Variants in LRP1B observed in about 807,000 individuals in gnomAD.
LRP1B encodes the protein low-density lipoprotein receptor-related protein 1B.
In LRP1B, 217 loss-of-function variants were observed where a neutral mutation model predicts 556.6. The observed-to-expected ratio is 0.39, with a 90% confidence interval of 0.35 to 0.44. The LOEUF (loss-of-function observed/expected upper bound fraction) is 0.44, where lower values mean the gene tolerates loss of function less well. LRP1B is among the 20% of genes least tolerant of loss of function. The pLI is 1.00. For missense variants in LRP1B, 5,053 were observed against 5,620.8 expected, an observed-to-expected ratio of 0.90 and a Z score of 3.23; for synonymous variants, 2,047 against 1,865.8, an observed-to-expected ratio of 1.10 and a Z score of -2.50.
intron 7 of LRP1B, among the ~76,000 whole-genome samples, chr2:141,071,828 C>T (rs769597564): frequency 3.3e-5 from 5 of 152,100 alleles, no homozygotes; most frequent in Non-Finnish European, 7.3e-5. Flanking sequence ...AGGAGAACTA[C>T]AAACCACTGC....
intron 87 of LRP1B, among the ~76,000 whole-genome samples, chr2:140,245,061 G>T (rs975037275): frequency 6.0e-5 from 9 of 151,254 alleles, no homozygotes; most frequent in Non-Finnish European, 1.0e-4. Context: ...TCATTATTTG[G>T]TCAACTTTGA....
intron 2 of LRP1B, among the ~76,000 whole-genome samples, chr2:141,576,622 T>C (rs1415922787): frequency 1.3e-5 from 2 of 152,014 alleles, no homozygotes; most frequent in African/African-American, 4.8e-5. Context: ...GGTTTAGTTG[T>C]ACATGCCTAT....
chr2:140,786,673 G>T, intron 32 of LRP1B, among the ~76,000 whole-genome samples: 1 of 152,090 alleles, frequency 6.6e-6, no homozygotes, highest in East Asian at 1.9e-4. Context: ...GAAGAACAAA[G>T]CCCAGAATTT....
intron 18 of LRP1B, among the ~76,000 whole-genome samples, chr2:140,977,579 G>A (rs2105337456): frequency 7.7e-6 from 1 of 130,624 alleles, no homozygotes; most frequent in Admixed American, 8.8e-5. Context: ...TCTTATTAGG[G>A]TGGTGCAACA....
chr2:140,877,325 C>T (rs906792611), intron 25 of LRP1B, among the ~76,000 whole-genome samples: 1 of 152,088 alleles, frequency 6.6e-6, no homozygotes, highest in African/African-American at 2.4e-5. Context: ...TTTCTTGTCA[C>T]AGGACATGAG....
At chr2:141,828,244 T>G (rs1697000866) in intron 1 of LRP1B, among the ~76,000 whole-genome samples, 2 of 152,072 alleles carry the variant, frequency 1.3e-5, no homozygotes, top group South Asian at 4.1e-4. Context: ...TCAATACACA[T>G]TTTTTTATTA....
rs192711261 is a variant in LRP1B at position 140,328,084 on chromosome 2, A to G, written c.12224-2206T>C. Among the ~76,000 whole-genome samples the G allele has an allele frequency of 2.6e-5, 4 of 152,182 alleles. No individual in the cohort carries two copies. The East Asian group carries it at 5.8e-4, about 22-fold the overall frequency. Reference sequence around the variant, plus strand: ...AAAAGTTCATGTCTATCTTTAAAATATCATGTCTTCTTTTGCTCTGTAATA... The same window carrying G: ...AAAAGTTCATGTCTATCTTTAAAATGTCATGTCTTCTTTTGCTCTGTAATA... On this transcript the variant is annotated intron_variant, in intron 79 of 90. Coordinates refer to ENST00000389484, the MANE Select transcript of LRP1B (RefSeq NM_018557.3).
chr2:140,954,160 A>G, intron 18 of LRP1B, among the ~76,000 whole-genome samples: 1 of 152,300 alleles, frequency 6.6e-6, no homozygotes, highest in South Asian at 2.1e-4. Context: ...GTTGCCTAAC[A>G]AGATAGTGAG....
At chr2:141,603,326 A>G (rs779706238) in intron 2 of LRP1B, among the ~76,000 whole-genome samples, 9 of 152,156 alleles carry the variant, frequency 5.9e-5, no homozygotes, top group Non-Finnish European at 1.2e-4. Flanking sequence ...GCTCAGTTGA[A>G]TATGTATGTG....
At chr2:140,399,497 T>A (rs1307065745) in intron 66 of LRP1B, among the ~76,000 whole-genome samples, 3 of 152,150 alleles carry the variant, frequency 2.0e-5, no homozygotes, top group African/African-American at 7.2e-5. Context: ...CCCAAATATA[T>A]TAGAGAGGCC....
At chr2:140,758,941 T>C (rs1019080984) in intron 35 of LRP1B, among the ~76,000 whole-genome samples, 26 of 152,122 alleles carry the variant, frequency 1.7e-4, no homozygotes, top group African/African-American at 6.0e-4. Flanking sequence ...TAACTTTTTA[T>C]ATATGTTTAG....
chr2:141,537,738 T>C (rs1416325758), intron 2 of LRP1B, among the ~76,000 whole-genome samples: 2 of 152,162 alleles, frequency 1.3e-5, no homozygotes, highest in African/African-American at 4.8e-5. Flanking sequence ...TAATTTACTG[T>C]TGCTATGAAA....
chr2:142,045,457 A>C (rs796841837), intron 1 of LRP1B, among the ~76,000 whole-genome samples: 9 of 151,930 alleles, frequency 5.9e-5, no homozygotes, highest in African/African-American at 2.2e-4. Flanking sequence ...TTTCTTCTTA[A>C]ATTAGCACTT....
At chr2:140,978,761 A>G (rs1479950099) in intron 18 of LRP1B, among the ~76,000 whole-genome samples, 1 of 152,178 alleles carries the variant, frequency 6.6e-6, no homozygotes, top group Non-Finnish European at 1.5e-5. Context: ...TGAAAGGTAA[A>G]TGTGTGTTAC....
intron 83 of LRP1B, among the ~76,000 whole-genome samples, chr2:140,298,881 G>A (rs935156349): frequency 1.1e-4 from 16 of 152,004 alleles, no homozygotes; most frequent in Admixed American, 9.8e-4. Flanking sequence ...CAAAATGAAT[G>A]GATATCATTT....
intron 7 of LRP1B, among the ~76,000 whole-genome samples, chr2:141,081,715 C>T (rs1699927237): frequency 6.6e-6 from 1 of 151,844 alleles, no homozygotes; most frequent in South Asian, 2.1e-4. Flanking sequence ...AATTAGGCTA[C>T]AGAAGAAAAA....
chr2:141,607,156 CAA>C (rs10540068), intron 2 of LRP1B, among the ~76,000 whole-genome samples: 23,625 of 148,410 alleles, frequency 0.16, 2,377 homozygotes, highest in East Asian at 0.37. Context: ...ATTACTTTGA[CAA>C]AAAAAAAAAA....
At chr2:140,261,701 G>A (rs1013817875) in intron 86 of LRP1B, among the ~76,000 whole-genome samples, 13 of 151,128 alleles carry the variant, frequency 8.6e-5, no homozygotes, top group Non-Finnish European at 4.4e-5. Flanking sequence ...ATGCAATGCT[G>A]TTTGTAATAT....
At chr2:141,853,325 T>C (rs1232783681) in intron 1 of LRP1B, among the ~76,000 whole-genome samples, 2 of 151,670 alleles carry the variant, frequency 1.3e-5, no homozygotes, top group Non-Finnish European at 3.0e-5. Context: ...TTATAACGGT[T>C]ATGAAGAATC....
Sources: gnomAD v4.1 joint callset for allele counts (sites outside exome capture counted in the v4.1 genomes callset) on GRCh38, gnomAD v4.1.1 for gene constraint, MANE v1.5 for transcripts, NCBI Gene and HGNC (gene_info 2026-07-23, HGNC 2026-07-21) for gene names.